The following FGD6 variants were observed in gnomAD, a reference collection of about 807,000 sequenced individuals.
FGD6 encodes FYVE, RhoGEF and PH domain containing 6.
FGD6 carries 90 observed loss-of-function variants against 149.4 expected under a neutral mutation model. The observed-to-expected ratio is 0.60, with a 90% CI of 0.51 to 0.72. FGD6 has a LOEUF of 0.72. FGD6 is among the 30% of genes least tolerant of loss of function. FGD6 has a pLI of 0.00. For missense variants in FGD6, 1,437 were observed against 1,684.8 expected, an observed-to-expected ratio of 0.85 and a Z score of 2.57; for synonymous variants, 527 against 584.0, an observed-to-expected ratio of 0.90 and a Z score of 1.41.
chr12:95,126,855 G>T (rs535657479), intron 8 of FGD6, among the ~76,000 whole-genome samples: 64 of 152,228 alleles, frequency 4.2e-4, no homozygotes, highest in Non-Finnish European at 7.5e-4. Context: ...TTGAACCCAG[G>T]AGTCGGAAGT....
In FGD6 at chr12:95,125,899, G is replaced by A. The variant is rs1202854190; in HGVS notation, c.3082+8840C>T. 6 of 1,400,790 alleles carry A rather than the reference G, an allele frequency of 4.3e-6. No individual in the cohort carries two copies. The African/African-American group carries it at 7.1e-5, about 17-fold the overall frequency. The allele number at this position is 1,400,790 out of a possible 1,614,324, so 86.8% of individuals were successfully genotyped here. A position where few individuals can be genotyped will look rare whatever the true frequency, so the allele number is the denominator to read the frequency against. ...GGTGGACCTTGCGCTCAAGTGAGGA[G>A]ACAGGCCATGCCTTTCAAGTACATG... On this transcript the variant is annotated intron_variant, in intron 8 of 20. Transcript: ENST00000343958.
chr12:95,173,866 A>G (rs112650438), intron 2 of FGD6, among the ~76,000 whole-genome samples: 1 of 152,254 alleles, frequency 6.6e-6, no homozygotes, highest in South Asian at 2.1e-4. Flanking sequence ...AGTTACGAGA[A>G]TCTCTAATGG....
chr12:95,137,862 T>G (rs1180793751), intron 6 of FGD6, among the ~76,000 whole-genome samples, 184 bp from the exon 7 acceptor site: 1 of 152,152 alleles, frequency 6.6e-6, no homozygotes, highest in African/African-American at 2.4e-5. Flanking sequence ...GGACTCTAAC[T>G]GGTCTCCCTG....
In FGD6 at chr12:95,186,228, C is replaced by CTTTTTTTTTTTTTTTTT. The variant is rs1174763781; in HGVS notation, c.2442-13501_2442-13485dup. ...TAAGAATGCTTCTTATATTCTTCTT[C>CTTTTTTTTTTTTTTTTT]TTTTTTTTTTTTTTTTTTTTTTTTT... On this transcript the variant is annotated intron_variant, in intron 2 of 20. Transcript: ENST00000343958. Among the ~76,000 whole-genome samples, 14 of 39,002 alleles carry CTTTTTTTTTTTTTTTTT rather than the reference C, an allele frequency of 3.6e-4. 1 individual carries two copies. The highest frequency in any genetic ancestry group is 7.0e-4 in the East Asian group (1 of 1,430). The allele number at this position is 39,002 out of a possible 152,430, so 25.6% of individuals were successfully genotyped here. A position where few individuals can be genotyped will look rare whatever the true frequency, so the allele number is the denominator to read the frequency against.
At chr12:95,114,478 ACACACACACACACAC>A (rs1878943992) in intron 8 of FGD6, among the ~76,000 whole-genome samples, 2 of 146,642 alleles carry the variant, frequency 1.4e-5, no homozygotes, top group South Asian at 2.2e-4. Flanking sequence ...ACACACACAC[ACACACACACACACAC>A]GTCAGACGTG....
chr12:95,210,861 A>T lies in FGD6; in HGVS notation c.423T>A (p.Asn141Lys). Residue 141 changes from asparagine (N) to lysine (K), a missense_variant, in exon 2 of 21, where the codon AAT (asparagine) becomes AAA (lysine). Coordinates refer to ENST00000343958, the MANE Select transcript of FGD6 (RefSeq NM_018351.4). ...LVLEPLEMNE[N>K]LENSKIDETL... is the part of the protein sequence containing the mutation. ...TCTCATCAATTTTACTGTTTTCTAA[A>T]TTTTCATTCATTTCCAGGGGCTCTA... 1 of 1,610,276 alleles carries T rather than the reference A, an allele frequency of 6.2e-7. No individual in the cohort carries two copies.
intron 14 of FGD6, among the ~76,000 whole-genome samples, chr12:95,096,933 G>A (rs991290779): frequency 1.3e-5 from 2 of 152,196 alleles, no homozygotes; most frequent in Admixed American, 6.5e-5. Flanking sequence ...CTCCTCACCA[G>A]AAGAGTAACA....
chr12:95,187,364 C>T lies in FGD6; in HGVS notation c.2442-14620G>A, dbSNP rs371878006. 5.7e-4 allele frequency among the ~76,000 whole-genome samples: 85 copies of T among 149,402 alleles called. 1 individual carries two copies. Among genetic ancestry groups the T allele is most frequent in the African/African-American group, 2.0e-3 (80 of 40,552 alleles). On this transcript the variant is annotated intron_variant, in intron 2 of 20. Transcript: ENST00000343958. ...AAAAAACAAGTTACTTCAGGCTGGG[C>T]GTGGTGGCTCATGCCTGTAATCCCA...
chr12:95,173,806 C>T (rs1225238841), intron 2 of FGD6, among the ~76,000 whole-genome samples: 2 of 152,070 alleles, frequency 1.3e-5, no homozygotes, highest in African/African-American at 2.4e-5. Context: ...TCCACTCTGG[C>T]AGGCTCTTTC....
At chr12:95,081,861 G>A (rs187391697) in intron 20 of FGD6, among the ~76,000 whole-genome samples, 1 of 151,838 alleles carries the variant, frequency 6.6e-6, no homozygotes, top group Non-Finnish European at 1.5e-5. Context: ...TAGTAGAGAC[G>A]GGGTTTTTCC....
intron 2 of FGD6, 85 bp downstream of exon 2, chr12:95,208,758 T>C (rs2056705609): frequency 6.8e-7 from 1 of 1,467,888 alleles, no homozygotes; most frequent in Non-Finnish European, 9.1e-7. Flanking sequence ...CACGTGTTTT[T>C]TTTCCCCCTG....
chr12:95,083,030 T>TATATATATAC lies in FGD6; in HGVS notation c.4256+1467_4256+1468insGTATATATAT, dbSNP rs772685891. 5.0e-3 allele frequency among the ~76,000 whole-genome samples: 279 copies of TATATATATAC among 56,352 alleles called. 9 individuals are homozygous for TATATATATAC. Among genetic ancestry groups the TATATATATAC allele is most frequent in the African/African-American group, 7.1e-3 (87 of 12,254 alleles). 37.0% of individuals were successfully genotyped at this position (56,352 alleles called of 152,430 possible). On this transcript the variant is annotated intron_variant, in intron 20 of 20. Transcript: ENST00000343958. ...AAAAAAAAATATATATATATATATA[T>TATATATATAC]ACACACACATACACACACACACACA... is the stretch of plus-strand genomic sequence containing the variant.
intron 15 of FGD6, among the ~76,000 whole-genome samples, chr12:95,094,064 CAGG>C (rs1286919620): frequency 1.3e-5 from 2 of 151,104 alleles, no homozygotes; most frequent in Admixed American, 6.6e-5. Flanking sequence ...GAGGCTGAGG[CAGG>C]AGAACCACTT....
intron 5 of FGD6, among the ~76,000 whole-genome samples, chr12:95,150,209 G>A (rs1880265521): frequency 6.6e-6 from 1 of 151,854 alleles, no homozygotes. Context: ...TGTATTTTTA[G>A]TAGAGACGGG....
rs750049774 is a variant in FGD6, at chr12:95,208,827, G to C, written c.2441+16C>G. The C allele has an allele frequency of 1.2e-6, 2 of 1,603,356 alleles. No homozygotes were observed. Among genetic ancestry groups the C allele is most frequent in the Non-Finnish European group, 1.7e-6 (2 of 1,174,268 alleles). On this transcript the variant is annotated intron_variant, in intron 2 of 20. Coordinates refer to ENST00000343958, the MANE Select transcript of FGD6 (RefSeq NM_018351.4). ...TGCAATGATGCATGCAAAAGTGTCTGTCTGGCACCTGTTACCTGGAATGCT... is the reference window on the plus strand; with the variant it reads ...TGCAATGATGCATGCAAAAGTGTCTCTCTGGCACCTGTTACCTGGAATGCT...
At chr12:95,214,087 T>C (rs1016652614) in intron 1 of FGD6, among the ~76,000 whole-genome samples, 15 of 152,178 alleles carry the variant, frequency 9.9e-5, no homozygotes, top group African/African-American at 3.6e-4. Context: ...GTCTCCTGCG[T>C]TGATGTTTTT....
chr12:95,090,102 G>A (rs952949671), intron 17 of FGD6, among the ~76,000 whole-genome samples: 1 of 152,072 alleles, frequency 6.6e-6, no homozygotes, highest in African/African-American at 2.4e-5. Flanking sequence ...GGATGAAGAA[G>A]TAATGAATTC....
intron 20 of FGD6, among the ~76,000 whole-genome samples, chr12:95,082,314 A>T (rs749840604): frequency 6.6e-6 from 1 of 151,866 alleles, no homozygotes; most frequent in African/African-American, 2.4e-5. Flanking sequence ...CAAGATTTGC[A>T]ATTAAAAGGA....
At chr12:95,186,222 CTTCTTCTTTTTTTTTTTTTTT>C (rs1565918756) in intron 2 of FGD6, among the ~76,000 whole-genome samples, 3 of 10,300 alleles carry the variant, frequency 2.9e-4, no homozygotes, top group African/African-American at 7.3e-4. Flanking sequence ...TTCTTATATT[CTTCTTCTTTTTTTTTTTTTTT>C]TTTTTTTTTT....
Sources: gnomAD v4.1 joint callset for allele counts (sites outside exome capture counted in the v4.1 genomes callset) on GRCh38, gnomAD v4.1.1 for gene constraint, MANE v1.5 for transcripts, NCBI Gene and HGNC (gene_info 2026-07-23, HGNC 2026-07-21) for gene names.